Variants in PNPLA7 observed in about 807,000 individuals in gnomAD.
PNPLA7 encodes patatin-like phospholipase domain-containing protein 7.
Under a neutral mutation model 161.7 loss-of-function variants are expected in PNPLA7, and 153 were observed. The observed-to-expected ratio is 0.95, with a 90% CI of 0.83 to 1.08. PNPLA7 has a LOEUF of 1.08. PNPLA7 is among the 50% of genes least tolerant of loss of function. The pLI is 0.00. For missense variants in PNPLA7, 1,739 were observed against 1,856.6 expected (o/e 0.94, Z 1.16); for synonymous variants, 809 against 782.1 (o/e 1.03, Z -0.57).
intron 11 of PNPLA7, 88 bp from the exon 12 acceptor site, chr9:137,515,607 G>C (rs998774454): frequency 7.0e-7 from 1 of 1,423,114 alleles, no homozygotes; most frequent in Non-Finnish European, 9.2e-7. Context: ...AGGGAGCAGG[G>C]TCCCCACAGT....
At chr9:137,475,010 CAAA>C (rs58417100) in intron 25 of PNPLA7, among the ~76,000 whole-genome samples, 14 of 63,618 alleles carry the variant, frequency 2.2e-4, no homozygotes, top group African/African-American at 6.8e-4. Context: ...GACTCTGCCT[CAAA>C]AAAAAAAAAA....
intron 19 of PNPLA7, among the ~76,000 whole-genome samples, chr9:137,494,391 G>C (rs1241768722): frequency 1.3e-5 from 2 of 152,072 alleles, no homozygotes; most frequent in Admixed American, 6.5e-5. Flanking sequence ...GCCTCTCCAG[G>C]TTTCCTGCTC....
chr9:137,491,553 T>C (rs1406741386), intron 20 of PNPLA7: 1 of 985,324 alleles, frequency 1.0e-6, no homozygotes, highest in Non-Finnish European at 1.2e-6. Flanking sequence ...TGCAGGTAAG[T>C]GGAGAGTGAA....
intron 24 of PNPLA7, chr9:137,478,458 T>G: frequency 7.2e-6 from 2 of 276,732 alleles, no homozygotes. Flanking sequence ...CTCAGAGCTG[T>G]TCCCACTGGG....
intron 18 of PNPLA7, among the ~76,000 whole-genome samples, chr9:137,496,296 G>A (rs1833055628): frequency 2.0e-5 from 3 of 151,614 alleles, no homozygotes; most frequent in Admixed American, 1.3e-4. Context: ...TAGTAGAGAC[G>A]GGGTTTCTTC....
rs1318902248 is a variant in PNPLA7, at chr9:137,515,811, T to TC, written c.1085-293dup. Reference sequence around the variant, plus strand: ...CATCCCCCTTCCCCCAAATCCCCCCTCCCCCCTCAATCCCTCTCCCCCAAA... The same window carrying TC: ...CATCCCCCTTCCCCCAAATCCCCCCTCCCCCCCTCAATCCCTCTCCCCCAAA... On this transcript the variant is annotated intron_variant, in intron 11 of 34. Transcript: ENST00000406427. 2.5e-4 allele frequency among the ~76,000 whole-genome samples: 9 copies of TC among 36,030 alleles called. 1 individual carries two copies. The highest frequency in any genetic ancestry group is 1.0e-3 in the African/African-American group (9 of 8,636). The allele number at this position is 36,030 out of a possible 152,430, so 23.6% of individuals were successfully genotyped here. A position where few individuals can be genotyped will look rare whatever the true frequency, so the allele number is the denominator to read the frequency against.
rs1833246439 is a variant in PNPLA7 at position 137,499,275 on chromosome 9, GAC to G, written c.1758-1032_1758-1031del. 6.6e-6 allele frequency among the ~76,000 whole-genome samples: 1 copy of G among 151,296 alleles called. No individual in the cohort carries two copies. The highest frequency in any genetic ancestry group is 2.1e-4 in the South Asian group (1 of 4,766). ...AAGGAGACACACATGGACACATGTA[GAC>G]ACAGAGACAGACACACGGACACATG... On this transcript the variant is annotated intron_variant, in intron 16 of 34. Transcript: ENST00000406427. The surrounding 1 kb of genome is among the most constrained non-coding windows in gnomAD (Gnocchi z 5.5).
At chr9:137,482,398 C>T (rs1832263163) in intron 21 of PNPLA7, among the ~76,000 whole-genome samples, 1 of 152,176 alleles carries the variant, frequency 6.6e-6, no homozygotes, top group Non-Finnish European at 1.5e-5. Flanking sequence ...TGACTCAGCA[C>T]CAAAAAGAAC....
intron 25 of PNPLA7, among the ~76,000 whole-genome samples, chr9:137,471,686 C>T (rs1831714944): frequency 6.6e-6 from 1 of 151,676 alleles, no homozygotes; most frequent in African/African-American, 2.4e-5. Flanking sequence ...ATGTGCAAGA[C>T]CTCTACACTG....
In PNPLA7 at chr9:137,504,147, G is replaced by GGAA. The variant is rs554163674; in HGVS notation, c.1473+1464_1473+1466dup. 2.2e-5 allele frequency among the ~76,000 whole-genome samples: 3 copies of GGAA among 138,624 alleles called. No individual in the cohort carries two copies. In the East Asian group the frequency reaches 6.2e-4, roughly 29 times the overall value. The allele number at this position is 138,624 out of a possible 152,430, so 90.9% of individuals were successfully genotyped here. A position where few individuals can be genotyped will look rare whatever the true frequency, so the allele number is the denominator to read the frequency against. On this transcript the variant is annotated intron_variant, in intron 14 of 34. Coordinates refer to ENST00000406427, the MANE Select transcript of PNPLA7 (RefSeq NM_001098537.3). ...GAAAAAAGGAAGAAGAAAAAAGAAAGGAAGAAGAAGAGAAGAAGACGGAAG... is the reference window on the plus strand; with the variant it reads ...GAAAAAAGGAAGAAGAAAAAAGAAAGGAAGAAGAAGAAGAGAAGAAGACGGAAG...
chr9:137,462,680 C>G lies in PNPLA7; in HGVS notation c.3492+5G>C. 2 of 1,613,486 alleles carry G rather than the reference C, an allele frequency of 1.2e-6. No homozygotes were observed. Among genetic ancestry groups the G allele is most frequent in the Non-Finnish European group, 1.7e-6 (2 of 1,179,800 alleles). On this transcript the variant is annotated splice_donor_5th_base_variant and intron_variant, in intron 30 of 34. Coordinates refer to ENST00000406427, the MANE Select transcript of PNPLA7 (RefSeq NM_001098537.3). ...GACAGCCCAGCCTGCCCGGTAGCAC[C>G]CCACCTTGACTTTCGTGGCCAAGGG...
In PNPLA7 at chr9:137,500,686, C is replaced by T; in HGVS notation, c.1757+5G>A. ...CGCCCTGAGGTCCTGGCCCGTGGGA[C>T]TCACTCATAGAAGTGGGCCTTGGAG... On this transcript the variant is annotated splice_donor_5th_base_variant and intron_variant, in intron 16 of 34. Transcript: ENST00000406427. This position sits in a 1 kb window ranked among gnomAD's most constrained non-coding sequence, Gnocchi z 5.5. 3 of 1,611,956 alleles carry T rather than the reference C, an allele frequency of 1.9e-6. No homozygotes were observed. The highest frequency in any genetic ancestry group is 2.5e-6 in the Non-Finnish European group (3 of 1,179,728).
At position 137,501,708 on chromosome 9, in the gene PNPLA7, C is replaced by T. The variant is rs775000584; in HGVS notation, c.1493G>A (p.Gly498Asp). The change falls in exon 15 of 35, where the codon GGC becomes GAC. Residue 498 changes from glycine (G) to aspartate (D), a missense_variant. Around this residue, in one of 6 missense-constraint regions of PNPLA7, gnomAD observed 481 missense variants for 450.0 expected, o/e 1.07. Transcript: ENST00000406427. The part of the protein sequence containing the change: ...MKLEDSSLLD[G>D]RVALLHVPAG... ...AGGAACGTGCAGAAGCGCCACCCGG[C>T]CATCCAACAGAGATGAGTCCTAAAA... 1 of 1,612,630 alleles carries T rather than the reference C, an allele frequency of 6.2e-7. No homozygotes were observed. The highest frequency in any genetic ancestry group is 8.5e-7 in the Non-Finnish European group (1 of 1,179,892).
chr9:137,461,729 C>T (rs1034775682), intron 32 of PNPLA7, 109 bp from the exon 33 acceptor site: 18 of 1,279,270 alleles, frequency 1.4e-5, no homozygotes, highest in South Asian at 4.3e-5. Flanking sequence ...CTGCAGCCTC[C>T]GCCTGCCCCC....
At chr9:137,470,587 T>C (rs570540200) in intron 25 of PNPLA7, among the ~76,000 whole-genome samples, 1 of 152,146 alleles carries the variant, frequency 6.6e-6, no homozygotes, top group Non-Finnish European at 1.5e-5. Context: ...TTAAAAACCT[T>C]CTAGAGAATA....
chr9:137,504,023 A>G lies in PNPLA7; in HGVS notation c.1473+1591T>C, dbSNP rs567385810. Among the ~76,000 whole-genome samples the G allele has an allele frequency of 1.5e-3, 152 of 103,022 alleles. 4 individuals are homozygous for G. The highest frequency in any genetic ancestry group is 5.1e-3 in the African/African-American group (143 of 28,108). 67.6% of individuals were successfully genotyped at this position (103,022 alleles called of 152,430 possible). ...AGAAGAAAGAAGAAGGAAGAAGAAG[A>G]AGGAGGAGGAAGGAAGAAGAAAGAA... On this transcript the variant is annotated intron_variant, in intron 14 of 34. Coordinates refer to ENST00000406427, the MANE Select transcript of PNPLA7 (RefSeq NM_001098537.3).
intron 29 of PNPLA7, 69 bp from the exon 30 acceptor site, chr9:137,462,902 G>A (rs943755876): frequency 6.9e-6 from 11 of 1,582,834 alleles, no homozygotes; most frequent in Admixed American, 6.9e-5. Flanking sequence ...GGCAGAGCCT[G>A]CCTCTCCGAG....
At chr9:137,466,290 A>G (rs1831456979) in intron 26 of PNPLA7, among the ~76,000 whole-genome samples, 1 of 152,176 alleles carries the variant, frequency 6.6e-6, no homozygotes, top group African/African-American at 2.4e-5. Flanking sequence ...GTCATCCTGC[A>G]GCCACCTCCA....
At chr9:137,530,890 G>A (rs1835549952) in intron 8 of PNPLA7, among the ~76,000 whole-genome samples, 1 of 152,110 alleles carries the variant, frequency 6.6e-6, no homozygotes, top group South Asian at 2.1e-4. Context: ...ACCCAAACAA[G>A]GAACTTAGAG....
Sources: gnomAD v4.1 joint callset for allele counts (sites outside exome capture counted in the v4.1 genomes callset) on GRCh38, gnomAD v4.1.1 for gene constraint, gnomAD v4.1.1 regional missense constraint, Gnocchi (gnomAD v3.1) non-coding constraint, MANE v1.5 for transcripts, NCBI Gene and HGNC (gene_info 2026-07-23, HGNC 2026-07-21) for gene names.